HSDL2: variants seen among roughly 807,000 people sequenced by gnomAD.
The protein encoded by HSDL2 is hydroxysteroid dehydrogenase like 2.
HSDL2 carries 27 observed loss-of-function variants against 46.3 expected under a neutral mutation model. The observed-to-expected ratio is 0.58, with a 90% CI of 0.43 to 0.80. The LOEUF (loss-of-function observed/expected upper bound fraction) is 0.80. HSDL2 is among the 30% of genes least tolerant of loss of function. HSDL2 has a pLI of 0.00. For synonymous variants in HSDL2, 153 were observed against 163.6 expected (o/e 0.94, Z 0.50); for missense variants, 451 against 502.7 (o/e 0.90, Z 0.98).
chr9:112,385,241 G>A (rs1831190687), intron 1 of HSDL2, among the ~76,000 whole-genome samples: 1 of 152,106 alleles, frequency 6.6e-6, no homozygotes, highest in Admixed American at 6.5e-5. Context: ...TTTGAAAAAA[G>A]TACAAAAATG....
At chr9:112,406,236 G>C (rs948740199) in intron 3 of HSDL2, among the ~76,000 whole-genome samples, 2 of 152,008 alleles carry the variant, frequency 1.3e-5, no homozygotes, top group African/African-American at 4.8e-5. Flanking sequence ...AGGGATGCAA[G>C]GGGGGTAGAT....
chr9:112,395,933 G>A (rs1564105065), intron 1 of HSDL2, among the ~76,000 whole-genome samples: 1 of 152,144 alleles, frequency 6.6e-6, no homozygotes. Context: ...GATTTCCCTC[G>A]TAGAGGAACA....
rs761214252 is a variant in HSDL2 at position 112,388,268 on chromosome 9, CTGACCAACATGG to C, written c.17+8092_17+8103del. ...ACGAGGTCAGGAGTTCAAGACCAGC[CTGACCAACATGG>C]TGAAATCCCGTCTCTACTAAAAATA... is the stretch of plus-strand genomic sequence containing the variant. On this transcript the variant is annotated intron_variant, in intron 1 of 10. Transcript: ENST00000398805. Among the ~76,000 whole-genome samples the C allele has an allele frequency of 1.8e-3, 267 of 152,034 alleles. 1 individual carries two copies. Among genetic ancestry groups the C allele is most frequent in the Middle Eastern group, 3.4e-3 (1 of 294 alleles).
chr9:112,454,240 A>C, intron 9 of HSDL2, 78 bp downstream of exon 9: 1 of 1,198,764 alleles, frequency 8.3e-7, no homozygotes, highest in South Asian at 1.4e-5. Flanking sequence ...TCAGCGTCCA[A>C]CAGTGATCCC....
At chr9:112,418,318 C>T (rs957006107) in intron 5 of HSDL2, among the ~76,000 whole-genome samples, 1 of 152,038 alleles carries the variant, frequency 6.6e-6, no homozygotes, top group South Asian at 2.1e-4. Context: ...TACGGTGGCT[C>T]GTACCTGTAA....
chr9:112,384,286 A>G (rs1831173085), intron 1 of HSDL2, among the ~76,000 whole-genome samples: 2 of 152,194 alleles, frequency 1.3e-5, no homozygotes, highest in Non-Finnish European at 2.9e-5. Context: ...AATAATACTA[A>G]GAAATTTGGA....
chr9:112,433,897 C>G (rs1832461989), intron 6 of HSDL2: 1 of 152,376 alleles, frequency 6.6e-6, no homozygotes, highest in South Asian at 2.1e-4. Flanking sequence ...GTGTCCCGGT[C>G]TCCCACTTGG....
At chr9:112,437,338 T>A (rs1832549664) in intron 6 of HSDL2, among the ~76,000 whole-genome samples, 1 of 152,108 alleles carries the variant, frequency 6.6e-6, no homozygotes, top group African/African-American at 2.4e-5. Context: ...ATTTATTGAG[T>A]GTTTTTCAAG....
At chr9:112,466,254 T>C (rs1479489289) in intron 10 of HSDL2, among the ~76,000 whole-genome samples, 1 of 152,070 alleles carries the variant, frequency 6.6e-6, no homozygotes, top group Non-Finnish European at 1.5e-5. Context: ...TCTTTTATTA[T>C]TCAGTTTTAA....
At chr9:112,415,071 A>C (rs1831961838) in intron 4 of HSDL2, among the ~76,000 whole-genome samples, 3 of 152,316 alleles carry the variant, frequency 2.0e-5, no homozygotes, top group Admixed American at 2.0e-4. Flanking sequence ...ATAATATATT[A>C]TTTAGCTGCT....
intron 2 of HSDL2, among the ~76,000 whole-genome samples, chr9:112,405,195 T>C (rs1279710954): frequency 2.6e-5 from 4 of 151,926 alleles, no homozygotes; most frequent in African/African-American, 9.7e-5. Flanking sequence ...CTACAAAAAA[T>C]AGAAAAATTA....
chr9:112,395,738 T>C (rs1182142809), intron 1 of HSDL2, among the ~76,000 whole-genome samples: 2 of 152,278 alleles, frequency 1.3e-5, no homozygotes, highest in Non-Finnish European at 2.9e-5. Flanking sequence ...ACAGCATTAA[T>C]GGCCCTTAAA....
rs1400916540 is a variant in HSDL2, at chr9:112,471,788, CTCTTA to C, written c.*1249_*1253del. On this transcript the variant is annotated 3_prime_UTR_variant, in exon 11 of 11. Transcript: ENST00000398805. The stretch of plus-strand genomic sequence containing the variant: ...GAGGGGAAGATAAACTTTTAAAAAG[CTCTTA>C]TCTTTCATTTCAATCAGTTAAAAAT... The C allele has an allele frequency of 6.6e-6, 1 of 152,176 alleles. No individual in the cohort carries two copies. Among genetic ancestry groups the C allele is most frequent in the East Asian group, 1.9e-4 (1 of 5,200 alleles). The allele number at this position is 152,176 out of a possible 1,614,324, so 9.4% of individuals were successfully genotyped here.
chr9:112,439,938 T>G (rs150606457), intron 7 of HSDL2, among the ~76,000 whole-genome samples: 22 of 152,362 alleles, frequency 1.4e-4, no homozygotes, highest in African/African-American at 5.3e-4. Flanking sequence ...AAGATTTTTG[T>G]AAAGGCTAAA....
intron 4 of HSDL2, among the ~76,000 whole-genome samples, chr9:112,413,550 G>A (rs573288908): frequency 1.3e-5 from 2 of 151,796 alleles, no homozygotes; most frequent in African/African-American, 4.8e-5. Flanking sequence ...TACTTCCCTG[G>A]TAACTCACAG....
chr9:112,446,429 G>C (rs1390496344), intron 8 of HSDL2, among the ~76,000 whole-genome samples: 1 of 152,122 alleles, frequency 6.6e-6, no homozygotes, highest in African/African-American at 2.4e-5. Context: ...TTCGAGATGA[G>C]CCTGGGCAAT....
chr9:112,397,239 C>G (rs34120702), intron 1 of HSDL2, among the ~76,000 whole-genome samples: 42,181 of 151,970 alleles, frequency 0.28, 6,053 homozygotes, highest in Middle Eastern at 0.37. Flanking sequence ...CCCGTGCCCA[C>G]AGAATAGCTT....
chr9:112,420,321 G>A (rs1295150967), intron 6 of HSDL2, among the ~76,000 whole-genome samples: 1 of 151,968 alleles, frequency 6.6e-6, no homozygotes, highest in Admixed American at 6.6e-5. Context: ...CTCAACAACA[G>A]CAACAAAATA....
At chr9:112,393,461 G>A (rs911151246) in intron 1 of HSDL2, among the ~76,000 whole-genome samples, 2 of 152,148 alleles carry the variant, frequency 1.3e-5, no homozygotes, top group Non-Finnish European at 2.9e-5. Context: ...GTCTTAAATC[G>A]TTAATTTGAT....
Sources: gnomAD v4.1 joint callset for allele counts (sites outside exome capture counted in the v4.1 genomes callset) on GRCh38, gnomAD v4.1.1 for gene constraint, MANE v1.5 for transcripts, NCBI Gene and HGNC (gene_info 2026-07-23, HGNC 2026-07-21) for gene names.